RBM47: variants seen among roughly 807,000 people sequenced by gnomAD.
RBM47 encodes the protein RNA binding motif protein 47, also known as RNA-binding protein 47.
A neutral mutation model predicts 47.1 loss-of-function variants in RBM47; 21 were observed. The observed-to-expected ratio is 0.45, with a 90% CI of 0.32 to 0.64. RBM47 has a LOEUF of 0.64. Among genes scored for constraint, RBM47 ranks in the 30% least tolerant of loss-of-function variants. RBM47 has a pLI of 0.05. For synonymous variants in RBM47, 375 were observed against 361.7 expected (o/e 1.04, Z -0.42); for missense variants, 708 against 870.9 (o/e 0.81, Z 2.35).
rs115188776 is a variant in RBM47 at position 40,627,101 on chromosome 4, G to A, written c.-240+2295C>T. The stretch of plus-strand genomic sequence containing the variant: ...ACCAGAAAATCAGCATCATCATTAA[G>A]ACACAGAGACTGTTCCCAAGAGGGA... On this transcript the variant is annotated intron_variant, in intron 1 of 6. Coordinates refer to ENST00000295971, the MANE Select transcript of RBM47 (RefSeq NM_001098634.2). Among the ~76,000 whole-genome samples, 931 of 152,246 alleles carry A rather than the reference G, an allele frequency of 6.1e-3. 16 individuals are homozygous for A. The highest frequency in any genetic ancestry group is 0.021 in the African/African-American group (875 of 41,548).
chr4:40,437,889 G>T lies in RBM47; in HGVS notation c.1005C>A (p.Gly335=). Residue 335 remains glycine, a synonymous_variant, in exon 4 of 7, where the codon GGC becomes GGA. Coordinates refer to ENST00000295971, the MANE Select transcript of RBM47 (RefSeq NM_001098634.2). ...SRYQKAARGG[G]AAEAAQQPSY... ...TGGGCTGCTGCGCTGCCTCAGCCGCGCCGCCGCCCCTGGCTGCCTTCTGGT... is the reference window on the plus strand; with the variant it reads ...TGGGCTGCTGCGCTGCCTCAGCCGCTCCGCCGCCCCTGGCTGCCTTCTGGT... 1 of 1,613,916 alleles carries T rather than the reference G, an allele frequency of 6.2e-7. No individual in the cohort carries two copies. The highest frequency in any genetic ancestry group is 2.2e-5 in the East Asian group (1 of 44,880).
At chr4:40,597,197 T>C (rs938631425) in intron 1 of RBM47, among the ~76,000 whole-genome samples, 3 of 151,822 alleles carry the variant, frequency 2.0e-5, no homozygotes, top group African/African-American at 7.3e-5. Context: ...GAGGCGGAGG[T>C]TGCAGTGAGC....
intron 1 of RBM47, among the ~76,000 whole-genome samples, chr4:40,608,453 T>C (rs528460490): frequency 6.6e-6 from 1 of 152,352 alleles, no homozygotes; most frequent in Non-Finnish European, 1.5e-5. Flanking sequence ...TGGAGATTAA[T>C]TTATTTTCCA....
At chr4:40,529,554 CG>C (rs1482372292) in intron 2 of RBM47, among the ~76,000 whole-genome samples, 1 of 118,372 alleles carries the variant, frequency 8.4e-6, no homozygotes, top group Non-Finnish European at 1.7e-5. Flanking sequence ...GCATCTAAGG[CG>C]GGGCATGGTG....
chr4:40,621,046 G>C (rs1737222958), intron 1 of RBM47, among the ~76,000 whole-genome samples: 1 of 150,912 alleles, frequency 6.6e-6, no homozygotes, highest in Non-Finnish European at 1.5e-5. Flanking sequence ...TTCTAAATCA[G>C]CCACAAACCA....
chr4:40,509,447 T>C (rs1724568112), intron 2 of RBM47, among the ~76,000 whole-genome samples: 1 of 152,182 alleles, frequency 6.6e-6, no homozygotes, highest in Non-Finnish European at 1.5e-5. Context: ...CATAGAAATT[T>C]ACATGTTGGT....
rs1198741417 is a variant in RBM47, at chr4:40,558,524, C to CAAA, written c.-239-14021_-239-14019dup. Among the ~76,000 whole-genome samples, 146 of 92,634 alleles carry CAAA rather than the reference C, an allele frequency of 1.6e-3. 1 individual carries two copies. Among genetic ancestry groups the CAAA allele is most frequent in the African/African-American group, 4.2e-3 (122 of 29,238 alleles). 60.8% of individuals were successfully genotyped at this position (92,634 alleles called of 152,430 possible). Reference sequence around the variant, plus strand: ...TGAAACCCTGTCTCTATTAAAACTACAAAAAAAAAAAAAAAAAAATGGGCC... The same window carrying CAAA: ...TGAAACCCTGTCTCTATTAAAACTACAAAAAAAAAAAAAAAAAAAAAATGGGCC... On this transcript the variant is annotated intron_variant, in intron 1 of 6. Coordinates refer to ENST00000295971, the MANE Select transcript of RBM47 (RefSeq NM_001098634.2).
At chr4:40,545,110 G>A (rs1728897775) in intron 1 of RBM47, among the ~76,000 whole-genome samples, 1 of 148,204 alleles carries the variant, frequency 6.7e-6, no homozygotes, top group Non-Finnish European at 1.5e-5. Flanking sequence ...GGAGTGCAGT[G>A]GCGAGACCTC....
intron 1 of RBM47, among the ~76,000 whole-genome samples, chr4:40,602,902 C>T (rs180753535): frequency 3.0e-4 from 45 of 151,720 alleles, no homozygotes; most frequent in Non-Finnish European, 4.1e-4. Flanking sequence ...AGAGAGTACC[C>T]CAGGCCAGGT....
At chr4:40,601,112 G>T (rs1304040896) in intron 1 of RBM47, among the ~76,000 whole-genome samples, 17 of 152,106 alleles carry the variant, frequency 1.1e-4, no homozygotes, top group Admixed American at 1.1e-3. Context: ...AGGCCAGGAC[G>T]GAAGCAATGA....
At chr4:40,536,685 C>T (rs1728014561) in intron 2 of RBM47, among the ~76,000 whole-genome samples, 1 of 151,576 alleles carries the variant, frequency 6.6e-6, no homozygotes, top group African/African-American at 2.4e-5. Flanking sequence ...ATCCACCTCT[C>T]TGCCTTTGCA....
intron 2 of RBM47, among the ~76,000 whole-genome samples, chr4:40,510,970 G>A (rs1173178365): frequency 1.3e-5 from 2 of 152,124 alleles, no homozygotes; most frequent in Admixed American, 1.3e-4. Context: ...CATTAATTTT[G>A]GCTGCTGTGG....
At chr4:40,614,300 T>G (rs921606922) in intron 1 of RBM47, among the ~76,000 whole-genome samples, 1 of 151,862 alleles carries the variant, frequency 6.6e-6, no homozygotes, top group Admixed American at 6.6e-5. Context: ...ACTTGAACCA[T>G]GAAAGTAAAA....
At chr4:40,490,299 A>T (rs944963918) in intron 2 of RBM47, among the ~76,000 whole-genome samples, 5 of 152,008 alleles carry the variant, frequency 3.3e-5, no homozygotes, top group Non-Finnish European at 1.5e-5. Flanking sequence ...AGGAAAAAGA[A>T]AAAAAAAGAA....
intron 1 of RBM47, among the ~76,000 whole-genome samples, chr4:40,549,485 C>T (rs1054528746): frequency 6.6e-6 from 1 of 150,766 alleles, no homozygotes; most frequent in Non-Finnish European, 1.5e-5. Flanking sequence ...TTAAATAATA[C>T]GAGTACATAG....
At chr4:40,478,807 A>G (rs759259733) in intron 2 of RBM47, among the ~76,000 whole-genome samples, 2 of 152,242 alleles carry the variant, frequency 1.3e-5, no homozygotes, top group Non-Finnish European at 2.9e-5. Context: ...TTAATTATCT[A>G]AAAGCTAAGA....
Position 40,456,546 on chromosome 4 carries a change from CTT to C in RBM47, c.-32+10029_-32+10030del, listed in dbSNP as rs772807820. 8.4e-5 allele frequency among the ~76,000 whole-genome samples: 10 copies of C among 118,742 alleles called. No homozygotes were observed. The East Asian group carries it at 1.8e-3, about 22-fold the overall frequency. 77.9% of individuals were successfully genotyped at this position (118,742 alleles called of 152,430 possible). ...TATACAAAAGTATTAGTCCCATTTT[CTT>C]TTTTTTTTTTCTTTTCTTTTTTCTT... On this transcript the variant is annotated intron_variant, in intron 3 of 6. Coordinates refer to ENST00000295971, the MANE Select transcript of RBM47 (RefSeq NM_001098634.2).
intron 1 of RBM47, among the ~76,000 whole-genome samples, chr4:40,617,727 A>G (rs1399330317): frequency 6.6e-6 from 1 of 151,090 alleles, no homozygotes; most frequent in Non-Finnish European, 1.5e-5. Flanking sequence ...TGGTAAATAT[A>G]TATGATTAAT....
chr4:40,583,857 CA>C (rs11357660), intron 1 of RBM47, among the ~76,000 whole-genome samples: 49,629 of 114,610 alleles, frequency 0.43, 9,249 homozygotes, highest in Middle Eastern at 0.6. Flanking sequence ...GACTCCGTCT[CA>C]AAAAAAAAAA....
Sources: allele counts gnomAD v4.1 joint callset (sites outside exome capture counted in the v4.1 genomes callset), GRCh38; gene constraint gnomAD v4.1.1; transcripts MANE v1.5; gene names NCBI Gene and HGNC (gene_info 2026-07-23, HGNC 2026-07-21).